NELL1: variants seen among roughly 807,000 people sequenced by gnomAD.
NELL1 encodes protein kinase C-binding protein NELL1.
Under a neutral mutation model 107.4 loss-of-function variants are expected in NELL1, and 76 were observed. The ratio of observed to expected loss-of-function variants is 0.71; its 90% CI spans 0.59 to 0.86. The LOEUF is 0.86. NELL1 is among the 40% of genes least tolerant of loss of function. The pLI is 0.00. For synonymous variants in NELL1, 353 were observed against 341.2 expected (o/e 1.03, Z -0.38); for missense variants, 1,024 against 1,005.5 (o/e 1.02, Z -0.25).
In NELL1 at chr11:21,430,825, G is replaced by GTGTTTTACTAACTGTCACTA. The variant is rs1425059200; in HGVS notation, c.1645+59884_1645+59903dup. On this transcript the variant is annotated intron_variant, in intron 15 of 19. Coordinates refer to ENST00000357134, the MANE Select transcript of NELL1 (RefSeq NM_006157.5). The stretch of plus-strand genomic sequence containing the variant: ...CAACTGCAGCAATGTGTTCGTATTT[G>GTGTTTTACTAACTGTCACTA]TGTTTTACTAACTGTCACTATGTTT... Among the ~76,000 whole-genome samples, 11 of 152,244 alleles carry GTGTTTTACTAACTGTCACTA rather than the reference G, an allele frequency of 7.2e-5. No homozygotes were observed. The East Asian group carries it at 2.1e-3, about 29-fold the overall frequency.
At chr11:20,887,528 C>T (rs1190792591) in intron 5 of NELL1, among the ~76,000 whole-genome samples, 3 of 152,138 alleles carry the variant, frequency 2.0e-5, no homozygotes, top group Admixed American at 2.0e-4. Context: ...GGAGAAATTA[C>T]TTAGATCCCA....
At chr11:21,251,479 A>G (rs1440338857) in intron 14 of NELL1, among the ~76,000 whole-genome samples, 2 of 152,112 alleles carry the variant, frequency 1.3e-5, no homozygotes, top group African/African-American at 4.8e-5. Flanking sequence ...AGTCAAATAT[A>G]ATCACATGAA....
intron 15 of NELL1, among the ~76,000 whole-genome samples, chr11:21,405,394 C>T (rs1192861856): frequency 2.4e-5 from 2 of 83,734 alleles, no homozygotes; most frequent in East Asian, 2.2e-4. Context: ...AACAGGATTC[C>T]AATTTTTTCT....
intron 2 of NELL1, among the ~76,000 whole-genome samples, chr11:20,740,763 T>C (rs1214641015): frequency 6.6e-6 from 1 of 152,152 alleles, no homozygotes; most frequent in Non-Finnish European, 1.5e-5. Flanking sequence ...TTTTCTAATA[T>C]TTTATTTTCA....
intron 12 of NELL1, among the ~76,000 whole-genome samples, chr11:21,049,762 C>T (rs1853446949): frequency 6.6e-6 from 1 of 152,010 alleles, no homozygotes; most frequent in African/African-American, 2.4e-5. Context: ...CCTGCAACCT[C>T]CATCTCCCAG....
At chr11:21,516,817 T>G (rs1182740505) in intron 15 of NELL1, among the ~76,000 whole-genome samples, 1 of 152,064 alleles carries the variant, frequency 6.6e-6, no homozygotes, top group Non-Finnish European at 1.5e-5. Flanking sequence ...GTATTTTTTT[T>G]TTTTTGAGAC....
At chr11:20,763,787 G>T (rs74719535) in intron 2 of NELL1, among the ~76,000 whole-genome samples, 1 of 152,214 alleles carries the variant, frequency 6.6e-6, no homozygotes, top group Non-Finnish European at 1.5e-5. Context: ...TGAGGCTGGC[G>T]AGCCTAGAGG....
At chr11:21,072,026 T>TC (rs1854027856) in intron 12 of NELL1, among the ~76,000 whole-genome samples, 1 of 152,144 alleles carries the variant, frequency 6.6e-6, no homozygotes, top group Non-Finnish European at 1.5e-5. Flanking sequence ...CACAATTTTC[T>TC]CATTATCATG....
intron 2 of NELL1, among the ~76,000 whole-genome samples, chr11:20,739,538 C>G (rs1855840703): frequency 6.6e-6 from 1 of 152,182 alleles, no homozygotes; most frequent in African/African-American, 2.4e-5. Context: ...AGAGTGGGAG[C>G]TGTGGCATGG....
chr11:21,482,041 T>C (rs1328398162), intron 15 of NELL1, among the ~76,000 whole-genome samples: 1 of 152,190 alleles, frequency 6.6e-6, no homozygotes, highest in Non-Finnish European at 1.5e-5. Flanking sequence ...TCAGAGTTCA[T>C]TTTGATAAAT....
chr11:21,287,671 G>T (rs190364534), intron 14 of NELL1, among the ~76,000 whole-genome samples: 10 of 152,236 alleles, frequency 6.6e-5, no homozygotes, highest in Admixed American at 6.5e-4. Context: ...TTCATTAGAT[G>T]AATTTCTCCT....
At chr11:20,858,407 A>C (rs1848920550) in intron 4 of NELL1, among the ~76,000 whole-genome samples, 1 of 152,228 alleles carries the variant, frequency 6.6e-6, no homozygotes. Context: ...AACTCAGGGC[A>C]ATATGGATGA....
At chr11:21,511,287 G>A (rs1269314362) in intron 15 of NELL1, among the ~76,000 whole-genome samples, 1 of 152,048 alleles carries the variant, frequency 6.6e-6, no homozygotes, top group Non-Finnish European at 1.5e-5. Context: ...ACCCATCCTA[G>A]TTTCCTACAA....
chr11:21,077,417 A>G (rs1402900240), intron 12 of NELL1, among the ~76,000 whole-genome samples: 1 of 152,186 alleles, frequency 6.6e-6, no homozygotes, highest in East Asian at 1.9e-4. Context: ...GACTGAGAGG[A>G]AGAAACCACC....
At chr11:21,010,957 A>T (rs1359720478) in intron 12 of NELL1, among the ~76,000 whole-genome samples, 1 of 152,122 alleles carries the variant, frequency 6.6e-6, no homozygotes, top group Non-Finnish European at 1.5e-5. Flanking sequence ...TCTGCTTAGT[A>T]AATTACAATC....
intron 15 of NELL1, among the ~76,000 whole-genome samples, chr11:21,529,155 A>C (rs77266273): frequency 6.6e-6 from 1 of 152,176 alleles, no homozygotes; most frequent in Non-Finnish European, 1.5e-5. Flanking sequence ...ATAGCCTTGC[A>C]GGAAGCCAGG....
chr11:21,201,542 T>C (rs555294271), intron 13 of NELL1, among the ~76,000 whole-genome samples: 3 of 152,342 alleles, frequency 2.0e-5, no homozygotes, highest in Admixed American at 6.5e-5. Flanking sequence ...ATGTTGGGGT[T>C]TTCTAAATAT....
At chr11:20,872,094 G>T (rs1373571660) in intron 4 of NELL1, among the ~76,000 whole-genome samples, 2 of 150,438 alleles carry the variant, frequency 1.3e-5, no homozygotes, top group Non-Finnish European at 3.0e-5. Flanking sequence ...ATATCCTGTG[G>T]CTGGGGCAGG....
Position 20,928,480 on chromosome 11 carries a change from G to A in NELL1, c.997+1G>A, listed in dbSNP as rs1445980849. On this transcript the variant is annotated splice_donor_variant, in intron 9 of 19. Transcript: ENST00000357134. LOFTEE classifies it high-confidence loss of function. ...GGCCAGTGCTGTAAGGTCTGCCGAC[G>A]TAAGTACTGACTGAGGGTCAGACTG... The A allele has an allele frequency of 2.5e-6, 4 of 1,611,218 alleles. No homozygotes were observed. The highest frequency in any genetic ancestry group is 2.7e-5 in the African/African-American group (2 of 74,840).
Sources: gnomAD v4.1 joint callset for allele counts (sites outside exome capture counted in the v4.1 genomes callset) on GRCh38, gnomAD v4.1.1 for gene constraint, MANE v1.5 for transcripts, NCBI Gene and HGNC (gene_info 2026-07-23, HGNC 2026-07-21) for gene names.